NEBL: variants seen among roughly 807,000 people sequenced by gnomAD.
NEBL encodes nebulette, also known as LIM and SH3 protein 2.
In NEBL, 122 loss-of-function variants were observed where a neutral mutation model predicts 140.2. The ratio of observed to expected loss-of-function variants is 0.87; its 90% CI spans 0.75 to 1.01. The LOEUF (loss-of-function observed/expected upper bound fraction) is 1.01. Among genes scored for constraint, NEBL ranks in the 50% least tolerant of loss-of-function variants. The pLI is 0.00. For synonymous variants in NEBL, 436 were observed against 398.9 expected, an observed-to-expected ratio of 1.09 and a Z score of -1.11; for missense variants, 1,365 against 1,231.3, an observed-to-expected ratio of 1.11 and a Z score of -1.62.
At chr10:21,271,750 T>C (rs1323477489) in intron 1 of NEBL, among the ~76,000 whole-genome samples, 1 of 151,792 alleles carries the variant, frequency 6.6e-6, no homozygotes, top group African/African-American at 2.4e-5. Context: ...GGTCTTGAGC[T>C]CCTCGCCTCA....
At position 21,283,253 on chromosome 10, in the gene NEBL, C is replaced by T. The variant is rs150027318; in HGVS notation, n.182+9577G>A. ...TGCTACATTCCCATTAGCGCCATGACGGTTTACAAATAAATGCCATGGCAA... is the reference window on the plus strand; with the variant it reads ...TGCTACATTCCCATTAGCGCCATGATGGTTTACAAATAAATGCCATGGCAA... On this transcript the variant is annotated intron_variant and non_coding_transcript_variant, in intron 1 of 8. Transcript: ENST00000675702. Among the ~76,000 whole-genome samples the T allele has an allele frequency of 6.6e-4, 100 of 152,106 alleles. 2 individuals are homozygous for T. The East Asian group carries it at 0.017, about 25-fold the overall frequency.
chr10:20,828,904 G>A (rs1840139584), intron 16 of NEBL, among the ~76,000 whole-genome samples: 1 of 152,094 alleles, frequency 6.6e-6, no homozygotes, highest in African/African-American at 2.4e-5. Flanking sequence ...AAAGTTAACA[G>A]TATTTTGAAG....
intron 3 of NEBL, among the ~76,000 whole-genome samples, chr10:20,981,417 A>C (rs1837035878): frequency 6.6e-6 from 1 of 152,074 alleles, no homozygotes. Flanking sequence ...AAAAAAACAC[A>C]CACAAAATTA....
At chr10:20,937,253 G>C (rs897828867) in intron 4 of NEBL, among the ~76,000 whole-genome samples, 3 of 152,164 alleles carry the variant, frequency 2.0e-5, no homozygotes, top group African/African-American at 7.2e-5. Flanking sequence ...CACTGAGAAA[G>C]CTCGATTTCA....
At chr10:20,816,562 G>C (rs1412201349) in intron 21 of NEBL, among the ~76,000 whole-genome samples, 1 of 152,182 alleles carries the variant, frequency 6.6e-6, no homozygotes, top group African/African-American at 2.4e-5. Context: ...AAATATAGTT[G>C]TTAGGAAAAG....
intron 1 of NEBL, among the ~76,000 whole-genome samples, chr10:21,287,402 G>A (rs190747112): frequency 6.6e-6 from 1 of 152,198 alleles, no homozygotes; most frequent in East Asian, 1.9e-4. Context: ...CAGGCAGGGT[G>A]GCATGTTCCT....
chr10:21,006,005 G>T (rs531612156), intron 3 of NEBL, among the ~76,000 whole-genome samples: 1 of 152,072 alleles, frequency 6.6e-6, no homozygotes, highest in South Asian at 2.1e-4. Context: ...ATACGCAAAC[G>T]CAGGCACACA....
intron 3 of NEBL, among the ~76,000 whole-genome samples, chr10:21,019,104 A>C (rs1328092408): frequency 4.6e-5 from 7 of 152,164 alleles, no homozygotes; most frequent in Admixed American, 2.0e-4. Context: ...TTCCTTCACA[A>C]ACTCTGTGCG....
intron 2 of NEBL, among the ~76,000 whole-genome samples, chr10:21,102,084 A>G (rs1280820228): frequency 1.3e-5 from 2 of 152,200 alleles, no homozygotes; most frequent in Non-Finnish European, 2.9e-5. Context: ...AATTCATTTT[A>G]CTTCTCTGCA....
At chr10:20,858,203 C>T in intron 9 of NEBL, 37 bp downstream of exon 9, 6 of 1,506,072 alleles carry the variant, frequency 4.0e-6, no homozygotes, top group Non-Finnish European at 5.5e-6. Context: ...CTTGGAGCCA[C>T]AAGGCAACTA....
chr10:21,137,953 G>C (rs1564524137), intron 2 of NEBL, among the ~76,000 whole-genome samples: 1 of 151,626 alleles, frequency 6.6e-6, no homozygotes, highest in East Asian at 1.9e-4. Context: ...GAAGGGAAGG[G>C]AAGGGAAGGG....
chr10:20,817,727 AC>A, intron 20 of NEBL, 35 bp from the exon 21 acceptor site: 1 of 1,479,272 alleles, frequency 6.8e-7, no homozygotes, highest in Non-Finnish European at 9.5e-7. Flanking sequence ...AACAGATAGC[AC>A]AATGGGCTCC....
In NEBL at chr10:20,856,859, CAG is replaced by C. The variant is rs1399329022; in HGVS notation, c.903+1379_903+1380del. The stretch of plus-strand genomic sequence containing the variant: ...TCTATGTATTTATTTATTTTTTAGA[CAG>C]AGTCTCACTCTTGCCTAGGCTGGAG... On this transcript the variant is annotated intron_variant, in intron 9 of 27. Transcript: ENST00000377122. Among the ~76,000 whole-genome samples, 6 of 151,938 alleles carry C rather than the reference CAG, an allele frequency of 3.9e-5. 1 individual carries two copies. Among genetic ancestry groups the C allele is most frequent in the South Asian group, 4.1e-4 (2 of 4,824 alleles).
At chr10:20,870,035 A>C (rs914902558) in intron 5 of NEBL, among the ~76,000 whole-genome samples, 194 bp from the exon 6 acceptor site, 2 of 151,976 alleles carry the variant, frequency 1.3e-5, no homozygotes, top group African/African-American at 4.8e-5. Context: ...CACTGATATT[A>C]ACATATTTGG....
chr10:21,204,327 T>G (rs1394187177), intron 3 of NEBL, among the ~76,000 whole-genome samples: 1 of 152,000 alleles, frequency 6.6e-6, no homozygotes, highest in Non-Finnish European at 1.5e-5. Context: ...GTATTTGGAG[T>G]AAGGAAGTAG....
At chr10:20,949,129 C>G (rs548427519) in intron 4 of NEBL, among the ~76,000 whole-genome samples, 1 of 151,938 alleles carries the variant, frequency 6.6e-6, no homozygotes, top group Non-Finnish European at 1.5e-5. Flanking sequence ...ATTTGAATAC[C>G]CTTTATTTCT....
intron 2 of NEBL, among the ~76,000 whole-genome samples, chr10:21,056,418 A>T (rs1835026882): frequency 6.7e-6 from 1 of 148,282 alleles, no homozygotes; most frequent in East Asian, 2.0e-4. Context: ...CTGCAAAAAA[A>T]GATAGACTGA....
At chr10:20,822,180 G>A (rs569396057) in intron 19 of NEBL, among the ~76,000 whole-genome samples, 114 of 152,168 alleles carry the variant, frequency 7.5e-4, no homozygotes, top group Non-Finnish European at 1.4e-3. Context: ...TCCTATCTCT[G>A]TTTCTCCTAC....
chr10:20,891,012 CAA>C (rs2131375521), intron 2 of NEBL, among the ~76,000 whole-genome samples: 1 of 152,206 alleles, frequency 6.6e-6, no homozygotes, highest in African/African-American at 2.4e-5. Flanking sequence ...AATTATAACC[CAA>C]AAGTGGAGCT....
Sources: allele counts gnomAD v4.1 joint callset (sites outside exome capture counted in the v4.1 genomes callset), GRCh38; gene constraint gnomAD v4.1.1; transcripts MANE v1.5; gene names NCBI Gene and HGNC (gene_info 2026-07-23, HGNC 2026-07-21).